NFKBIL1: variants seen among roughly 807,000 people sequenced by gnomAD.
NFKBIL1 encodes NF-kappa-B inhibitor-like protein 1.
NFKBIL1 carries 30 observed loss-of-function variants against 45.4 expected under a neutral mutation model. The observed-to-expected ratio is 0.66, with a 90% CI of 0.49 to 0.90. NFKBIL1 has a LOEUF of 0.90. NFKBIL1 is among the 40% of genes least tolerant of loss of function. The pLI, the probability that NFKBIL1 is intolerant of heterozygous loss-of-function variation, is 0.00. For synonymous variants in NFKBIL1, 179 were observed against 197.3 expected, an observed-to-expected ratio of 0.91 and a Z score of 0.78; for missense variants, 434 against 513.4, an observed-to-expected ratio of 0.85 and a Z score of 1.49.
intron 2 of NFKBIL1, among the ~76,000 whole-genome samples, chr6:31,548,726 T>C (rs762752702): frequency 3.3e-5 from 5 of 152,226 alleles, no homozygotes; most frequent in Non-Finnish European, 7.3e-5. Flanking sequence ...AAAAGTAGCA[T>C]AGAAGGTAGG....
intron 1 of NFKBIL1, 99 bp from the exon 2 acceptor site, chr6:31,548,064 G>T: frequency 6.7e-7 from 1 of 1,484,596 alleles, no homozygotes; most frequent in South Asian, 1.2e-5. Flanking sequence ...ATTAAAAAAA[G>T]ACGGAACCAA....
intron 2 of NFKBIL1, among the ~76,000 whole-genome samples, chr6:31,554,850 A>G (rs574269055): frequency 6.6e-6 from 1 of 152,350 alleles, no homozygotes; most frequent in African/African-American, 2.4e-5. Context: ...TGGGGTAAGG[A>G]GATTTGTTTT....
rs9279343 is a variant in NFKBIL1 at position 31,552,685 on chromosome 6, CTTTTT to C, written c.334+4269_334+4273del. 1.1e-4 allele frequency among the ~76,000 whole-genome samples: 6 copies of C among 55,576 alleles called. No homozygotes were observed. In the South Asian group the frequency reaches 2.7e-3, roughly 25 times the overall value. The allele number at this position is 55,576 out of a possible 152,430, so 36.5% of individuals were successfully genotyped here. ...GTAAATCGCTATAAAGGCGGCATTT[CTTTTT>C]TTTTTTTTTTTTTTTTTTTTTTGGC... On this transcript the variant is annotated intron_variant, in intron 2 of 3. Coordinates refer to ENST00000376148, the MANE Select transcript of NFKBIL1 (RefSeq NM_005007.4).
Position 31,558,015 on chromosome 6 carries a change from C to CA in NFKBIL1, c.557-4dup. On this transcript the variant is annotated splice_region_variant and splice_polypyrimidine_tract_variant and intron_variant, in intron 3 of 3. Transcript: ENST00000376148. The surrounding 1 kb of genome is among the most constrained non-coding windows in gnomAD (Gnocchi z 7.2). Reference sequence around the variant, plus strand: ...TCCAACTACCCCCATCCCACCCTCCCAAACAGGTGATGCCTCCCATGAAAC... The same window carrying CA: ...TCCAACTACCCCCATCCCACCCTCCCAAAACAGGTGATGCCTCCCATGAAAC... The CA allele has an allele frequency of 1.3e-6, 2 of 1,588,068 alleles. No homozygotes were observed. Among genetic ancestry groups the CA allele is most frequent in the Non-Finnish European group, 1.7e-6 (2 of 1,165,448 alleles).
In NFKBIL1 at chr6:31,558,371, G is replaced by T; in HGVS notation, c.906G>T (p.Trp302Cys). The T allele has an allele frequency of 6.4e-7, 1 of 1,553,286 alleles. No homozygotes were observed. The highest frequency in any genetic ancestry group is 1.9e-5 in the Admixed American group (1 of 51,354). Residue 302 changes from tryptophan (W) to cysteine (C), a missense_variant, in exon 4 of 4, where the codon TGG (tryptophan) becomes TGT (cysteine). Transcript: ENST00000376148. The surrounding 1 kb of genome is among the most constrained non-coding windows in gnomAD (Gnocchi z 7.2). ...GSLWRFGDVPWPCPGGGDPEA... is the reference protein window; with the variant it reads ...GSLWRFGDVPCPCPGGGDPEA... ...TCTGGCGATTTGGTGATGTGCCCTG[G>T]CCCTGCCCTGGGGGAGGGGACCCAG... is the stretch of plus-strand genomic sequence containing the variant.
intron 2 of NFKBIL1, among the ~76,000 whole-genome samples, chr6:31,555,715 A>G (rs1769697927): frequency 7.1e-6 from 1 of 141,304 alleles, no homozygotes; most frequent in Non-Finnish European, 1.5e-5. Flanking sequence ...TCCCAGGTTC[A>G]AGCAGTTCTC....
chr6:31,550,272 A>G (rs1451925422), intron 2 of NFKBIL1, among the ~76,000 whole-genome samples: 4 of 152,064 alleles, frequency 2.6e-5, no homozygotes, highest in Non-Finnish European at 5.9e-5. Flanking sequence ...AAAAGCTGAA[A>G]CCTTCTTTCC....
In NFKBIL1 at chr6:31,558,288, A is replaced by G; in HGVS notation, c.823A>G (p.Lys275Glu). 3.2e-6 allele frequency: 5 copies of G among 1,584,428 alleles called. No individual in the cohort carries two copies. Among genetic ancestry groups the G allele is most frequent in the Non-Finnish European group, 4.3e-6 (5 of 1,165,330 alleles). ...AQEALGDREP[K>E]PTRAGPREEH... ...GGAGGCTCTAGGGGACCGAGAACCC[A>G]AGCCAACCAGGGCCGGGCCCAGGGA... is the stretch of plus-strand genomic sequence containing the variant. Residue 275 changes from lysine to glutamate, a missense_variant, in exon 4 of 4, where the codon AAG becomes GAG. This residue lies in a region of NFKBIL1 where 128 missense variants were observed against 106.5 expected (regional missense o/e 1.20). Transcript: ENST00000376148. This position sits in a 1 kb window ranked among gnomAD's most constrained non-coding sequence, Gnocchi z 7.2.
chr6:31,548,315 C>T lies in NFKBIL1; in HGVS notation c.210C>T (p.His70=). 9.3e-6 allele frequency: 15 copies of T among 1,605,134 alleles called. No individual in the cohort carries two copies. Among genetic ancestry groups the T allele is most frequent in the Non-Finnish European group, 1.2e-5 (14 of 1,176,302 alleles). The change falls in exon 2 of 4, where the codon CAC becomes CAT. Residue 70 remains histidine, a synonymous_variant. Transcript: ENST00000376148. ...DVDAGQPPPL[H]RACARHDAPA... is the part of the protein sequence containing the mutation. ...ATGCTGGGCAGCCCCCACCACTGCA[C>T]CGGGCCTGTGCCCGCCACGATGCCC... is the stretch of plus-strand genomic sequence containing the variant.
At position 31,557,979 on chromosome 6, in the gene NFKBIL1, C is replaced by T. The variant is rs887186670; in HGVS notation, c.557-43C>T. 6.6e-7 allele frequency: 1 copy of T among 1,515,948 alleles called. No individual in the cohort carries two copies. Among genetic ancestry groups the T allele is most frequent in the African/African-American group, 1.4e-5 (1 of 73,120 alleles). 93.9% of individuals were successfully genotyped at this position (1,515,948 alleles called of 1,614,324 possible). A position where few individuals can be genotyped will look rare whatever the true frequency, so the allele number is the denominator to read the frequency against. On this transcript the variant is annotated intron_variant, in intron 3 of 3. Transcript: ENST00000376148. This position sits in a 1 kb window ranked among gnomAD's most constrained non-coding sequence, Gnocchi z 5.4. ...TGCTTCTTGGGGCCCATCACCTTCT[C>T]ACAGCCTCTCTCCAACTACCCCCAT...
rs1294835789 is a variant in NFKBIL1, at chr6:31,557,355, G to A, written c.335-273G>A. On this transcript the variant is annotated intron_variant, in intron 2 of 3. Transcript: ENST00000376148. The surrounding 1 kb of genome is among the most constrained non-coding windows in gnomAD (Gnocchi z 5.4). The stretch of plus-strand genomic sequence containing the variant: ...GATCTCCTGACCTCGTGATCCGCCC[G>A]CCTCGGACTCCCAAAGTGCTGGGAT... Among the ~76,000 whole-genome samples, 5 of 152,100 alleles carry A rather than the reference G, an allele frequency of 3.3e-5. No individual in the cohort carries two copies. Among genetic ancestry groups the A allele is most frequent in the African/African-American group, 7.2e-5 (3 of 41,404 alleles).
In NFKBIL1 at chr6:31,558,045, G is replaced by C; in HGVS notation, c.580G>C (p.Glu194Gln). 6.2e-7 allele frequency: 1 copy of C among 1,609,010 alleles called. No individual in the cohort carries two copies. The highest frequency in any genetic ancestry group is 1.1e-5 in the South Asian group (1 of 90,598). ...AGGTGATGCCTCCCATGAAACCCAG[G>C]AACCTGAGTCCTTCTCAGCCTGGTC... Reference protein sequence around the residue: ...FEGDASHETQEPESFSAWSDR... With the variant: ...FEGDASHETQQPESFSAWSDR... The change falls in exon 4 of 4, where the codon GAA becomes CAA. Residue 194 changes from glutamate to glutamine, a missense_variant. Glu to Gln is a conservative substitution (Grantham distance 29, BLOSUM62 2). This residue lies in a region of NFKBIL1 where 231 missense variants were observed against 264.1 expected (regional missense o/e 0.87). Transcript: ENST00000376148. This position sits in a 1 kb window ranked among gnomAD's most constrained non-coding sequence, Gnocchi z 7.2.
chr6:31,553,757 G>A (rs1037001798), intron 2 of NFKBIL1, among the ~76,000 whole-genome samples: 21 of 152,024 alleles, frequency 1.4e-4, no homozygotes, highest in African/African-American at 4.4e-4. Context: ...TCTGCCTCCC[G>A]GGTTCAAGCA....
chr6:31,557,577 CGAG>C lies in NFKBIL1; in HGVS notation c.335-47_335-45del. 3 of 1,414,116 alleles carry C rather than the reference CGAG, an allele frequency of 2.1e-6. No homozygotes were observed. Among genetic ancestry groups the C allele is most frequent in the Non-Finnish European group, 2.8e-6 (3 of 1,056,932 alleles). The allele number at this position is 1,414,116 out of a possible 1,614,324, so 87.6% of individuals were successfully genotyped here. A position where few individuals can be genotyped will look rare whatever the true frequency, so the allele number is the denominator to read the frequency against. ...GCAGGATTCAAGATGGCAGCTCTGC[CGAG>C]GAGTGGGAGTCCCAGCTAACTTCTG... is the stretch of plus-strand genomic sequence containing the variant. On this transcript the variant is annotated intron_variant, in intron 2 of 3. Transcript: ENST00000376148. The surrounding 1 kb of genome is among the most constrained non-coding windows in gnomAD (Gnocchi z 5.4).
At chr6:31,546,880 CA>C (rs558675264), upstream of NFKBIL1, 184 of 375,464 alleles carry the variant, frequency 4.9e-4, 2 homozygotes, top group Non-Finnish European at 8.0e-4. The surrounding 1 kb of genome is among the most constrained non-coding windows in gnomAD (Gnocchi z 4.1). Context: ...AGGGATGAGG[CA>C]GGGGCGGAGA....
At position 31,558,553 on chromosome 6, in the gene NFKBIL1, T is replaced by C. The variant is rs201543626; in HGVS notation, c.1088T>C (p.Met363Thr). ...QIETWELGRVMGAVTALSQAL... is the reference protein window; with the variant it reads ...QIETWELGRVTGAVTALSQAL... ...GAGACCTGGGAGCTGGGCCGTGTGATGGGAGCAGTGACAGCCCTTTCTCAG... is the reference window on the plus strand; with the variant it reads ...GAGACCTGGGAGCTGGGCCGTGTGACGGGAGCAGTGACAGCCCTTTCTCAG... The change falls in exon 4 of 4, where the codon ATG becomes ACG. Residue 363 changes from methionine to threonine, a missense_variant. Around this residue, in one of 4 missense-constraint regions of NFKBIL1, gnomAD observed 52 missense variants for 95.9 expected, o/e 0.54. Coordinates refer to ENST00000376148, the MANE Select transcript of NFKBIL1 (RefSeq NM_005007.4). The surrounding 1 kb of genome is among the most constrained non-coding windows in gnomAD (Gnocchi z 7.2). 1.9e-6 allele frequency: 3 copies of C among 1,565,042 alleles called. No individual in the cohort carries two copies. Among genetic ancestry groups the C allele is most frequent in the Non-Finnish European group, 2.6e-6 (3 of 1,154,570 alleles).
chr6:31,548,765 CCCCAGCTCCAAAT>C (rs1034792630), intron 2 of NFKBIL1, among the ~76,000 whole-genome samples: 1 of 152,184 alleles, frequency 6.6e-6, no homozygotes, highest in Non-Finnish European at 1.5e-5. Flanking sequence ...TGGATTCAAA[CCCCAGCTCCAAAT>C]CCCAGCTCCA....
At position 31,548,168 on chromosome 6, in the gene NFKBIL1, G is replaced by A; in HGVS notation, c.63G>A (p.Lys21=). The change falls in exon 2 of 4, where the codon AAG becomes AAA. Residue 21 remains lysine (K), a synonymous_variant. Transcript: ENST00000376148. ...TGCCTTTTTTCCTTCCCCAGCCCAA[G>A]AGTTCCATGGCCTCCACTTCCCGCC... is the stretch of plus-strand genomic sequence containing the variant. ...EEASTSVCRP[K]SSMASTSRRQ... The A allele has an allele frequency of 1.2e-6, 2 of 1,613,142 alleles. No individual in the cohort carries two copies. The highest frequency in any genetic ancestry group is 1.7e-6 in the Non-Finnish European group (2 of 1,180,042).
Position 31,557,681 on chromosome 6 carries a change from A to G in NFKBIL1, c.388A>G (p.Ile130Val). Residue 130 changes from isoleucine to valine, a missense_variant, in exon 3 of 4, where the codon ATA becomes GTA. By Grantham distance (29) the Ile-to-Val change is conservative (BLOSUM62 3). Coordinates refer to ENST00000376148, the MANE Select transcript of NFKBIL1 (RefSeq NM_005007.4). This position sits in a 1 kb window ranked among gnomAD's most constrained non-coding sequence, Gnocchi z 5.4. ...LLSRCPSAMGIKNKDGETPGQ... is the reference protein window; with the variant it reads ...LLSRCPSAMGVKNKDGETPGQ... Reference sequence around the variant, plus strand: ...AAGCCGCTGTCCCTCCGCCATGGGAATAAAGAATAAGGATGGGGAGACCCC... The same window carrying G: ...AAGCCGCTGTCCCTCCGCCATGGGAGTAAAGAATAAGGATGGGGAGACCCC... The G allele has an allele frequency of 1.3e-6, 2 of 1,586,562 alleles. No homozygotes were observed. The highest frequency in any genetic ancestry group is 1.7e-6 in the Non-Finnish European group (2 of 1,162,436).
Sources: gnomAD v4.1 joint callset for allele counts (sites outside exome capture counted in the v4.1 genomes callset) on GRCh38, gnomAD v4.1.1 for gene constraint, gnomAD v4.1.1 regional missense constraint, Gnocchi (gnomAD v3.1) non-coding constraint, MANE v1.5 for transcripts, NCBI Gene and HGNC (gene_info 2026-07-23, HGNC 2026-07-21) for gene names.